BTG4: variants seen among roughly 807,000 people sequenced by gnomAD.
BTG4 encodes the protein protein BTG4.
A neutral mutation model predicts 19.3 loss-of-function variants in BTG4; 10 were observed. That is an observed-to-expected ratio of 0.52 (90% CI 0.32 to 0.88). BTG4 has a LOEUF of 0.88. Among genes scored for constraint, BTG4 ranks in the 40% least tolerant of loss-of-function variants. BTG4 has a pLI of 0.04. For missense variants in BTG4, 238 were observed against 281.9 expected (o/e 0.84, Z 1.11); for synonymous variants, 91 against 95.7 (o/e 0.95, Z 0.29).
the BTG4 span, among the ~76,000 whole-genome samples, chr11:111,421,464 G>C: frequency 6.6e-6 from 1 of 152,190 alleles, no homozygotes; most frequent in South Asian, 2.1e-4. Context: ...ATTTAGGTTT[G>C]CACGTGTGTT....
chr11:111,512,517 T>C (rs1297449866), upstream of BTG4, among the ~76,000 whole-genome samples: 3 of 149,486 alleles, frequency 2.0e-5, no homozygotes, highest in Admixed American at 6.6e-5. Flanking sequence ...GCGCACGGGG[T>C]CGAGAGAGCC....
At chr11:111,428,943 T>C in the BTG4 span, among the ~76,000 whole-genome samples, 1 of 152,214 alleles carries the variant, frequency 6.6e-6, no homozygotes, top group Non-Finnish European at 1.5e-5. Context: ...TCACCCGTAA[T>C]ATTTACAGAC....
downstream of BTG4, among the ~76,000 whole-genome samples, chr11:111,465,285 G>T (rs1039477804): frequency 6.6e-6 from 1 of 152,130 alleles, no homozygotes; most frequent in Non-Finnish European, 1.5e-5. Flanking sequence ...CCCTGAACTT[G>T]AGCAGGGAAG....
chr11:111,426,843 A>G, the BTG4 span, among the ~76,000 whole-genome samples: 140,021 of 152,252 alleles, frequency 0.92, 64,751 homozygotes, highest in East Asian at 1. Context: ...AGTTAATATC[A>G]CCCCGGAGTT....
chr11:111,401,489 A>AAG, the BTG4 span, among the ~76,000 whole-genome samples: 1 of 151,918 alleles, frequency 6.6e-6, no homozygotes. Context: ...CTCAAAAAAA[A>AAG]AAAAGAAAAG....
chr11:111,501,023 C>T (rs1335110739), intron 1 of BTG4, among the ~76,000 whole-genome samples: 1 of 151,722 alleles, frequency 6.6e-6, no homozygotes, highest in East Asian at 1.9e-4. Context: ...ATGGGAGGTA[C>T]AATAGTGAAC....
chr11:111,487,203 T>C (rs771374408), intron 5 of BTG4, among the ~76,000 whole-genome samples: 3 of 152,244 alleles, frequency 2.0e-5, no homozygotes, highest in Non-Finnish European at 4.4e-5. Flanking sequence ...TACCACATTT[T>C]CTTTATCCAG....
the BTG4 span, among the ~76,000 whole-genome samples, chr11:111,411,282 C>T: frequency 4.6e-5 from 7 of 152,330 alleles, no homozygotes; most frequent in African/African-American, 1.7e-4. Context: ...TCTCCTTCTA[C>T]TCTCCTCCTG....
intron 1 of BTG4, among the ~76,000 whole-genome samples, chr11:111,511,150 G>T (rs1457999539): frequency 6.6e-6 from 1 of 152,202 alleles, no homozygotes; most frequent in East Asian, 1.9e-4. Context: ...ACAAAATACA[G>T]TTATTGTAGA....
At chr11:111,438,179 C>A in the BTG4 span, among the ~76,000 whole-genome samples, 4 of 152,342 alleles carry the variant, frequency 2.6e-5, no homozygotes, top group South Asian at 4.1e-4. Context: ...TCTGGTGTCA[C>A]CCTGATGGCA....
chr11:111,487,507 C>G (rs1324570674), intron 5 of BTG4, among the ~76,000 whole-genome samples: 1 of 152,052 alleles, frequency 6.6e-6, no homozygotes, highest in East Asian at 1.9e-4. Flanking sequence ...TAGGATCATA[C>G]TGAATGGGAA....
At chr11:111,501,855 G>C (rs1866104543) in intron 1 of BTG4, among the ~76,000 whole-genome samples, 2 of 152,106 alleles carry the variant, frequency 1.3e-5, no homozygotes, top group African/African-American at 2.4e-5. Flanking sequence ...TGAGCATCTT[G>C]ATATCTAAGA....
chr11:111,496,342 T>C (rs1865729623), intron 4 of BTG4, among the ~76,000 whole-genome samples: 1 of 152,120 alleles, frequency 6.6e-6, no homozygotes, highest in African/African-American at 2.4e-5. Context: ...TAAAAACCAG[T>C]AAAATGTTCA....
chr11:111,468,659 G>A (rs1376082805), intron 5 of BTG4, among the ~76,000 whole-genome samples: 1 of 152,196 alleles, frequency 6.6e-6, no homozygotes, highest in East Asian at 1.9e-4. Context: ...AGGCAAGAGA[G>A]GCGATTTGAA....
At chr11:111,483,907 T>C (rs181114781) in intron 5 of BTG4, among the ~76,000 whole-genome samples, 3 of 152,174 alleles carry the variant, frequency 2.0e-5, no homozygotes, top group East Asian at 3.9e-4. Flanking sequence ...TCAACCTAAA[T>C]AAGACTATCT....
chr11:111,450,525 G>A, the BTG4 span: 1 of 152,482 alleles, frequency 6.6e-6, no homozygotes, highest in African/African-American at 2.4e-5. Flanking sequence ...TCCTTACCAG[G>A]GCGTGTGCTC....
At chr11:111,456,438 C>T in the BTG4 span, 1 of 444,778 alleles carries the variant, frequency 2.2e-6, no homozygotes, top group Non-Finnish European at 4.6e-6. This position sits in a 1 kb window ranked among gnomAD's most constrained non-coding sequence, Gnocchi z 4.2. Flanking sequence ...AGTCACCAGC[C>T]AAGGGAGTCC....
chr11:111,387,099 G>A, the BTG4 span, among the ~76,000 whole-genome samples: 5 of 152,076 alleles, frequency 3.3e-5, no homozygotes, highest in African/African-American at 9.7e-5. Flanking sequence ...TTCTACATAC[G>A]CTAATTTTAT....
chr11:111,400,763 T>C, the BTG4 span, among the ~76,000 whole-genome samples: 1 of 152,128 alleles, frequency 6.6e-6, no homozygotes, highest in African/African-American at 2.4e-5. Context: ...AAGTGACCAA[T>C]GTTAATGTCA....
Sources: allele counts gnomAD v4.1 joint callset (sites outside exome capture counted in the v4.1 genomes callset), GRCh38; gene constraint gnomAD v4.1.1; non-coding constraint Gnocchi (gnomAD v3.1); transcripts MANE v1.5; gene names NCBI Gene and HGNC (gene_info 2026-07-23, HGNC 2026-07-21).